PTPRS: variants seen among roughly 807,000 people sequenced by gnomAD.
PTPRS encodes receptor-type tyrosine-protein phosphatase S.
Under a neutral mutation model 215.3 loss-of-function variants are expected in PTPRS, and 63 were observed. That is an observed-to-expected ratio of 0.29 (90% CI 0.24 to 0.36). The LOEUF is 0.36. PTPRS is among the 10% of genes least tolerant of loss of function. The pLI, the probability that PTPRS is intolerant of heterozygous loss-of-function variation, is 1.00. For missense variants in PTPRS, 2,258 were observed against 2,825.8 expected (o/e 0.80, Z 4.56); for synonymous variants, 1,404 against 1,191.4 (o/e 1.18, Z -3.68).
intron 1 of PTPRS, among the ~76,000 whole-genome samples, chr19:5,318,172 A>G (rs76859951): frequency 7.0e-6 from 1 of 142,162 alleles, no homozygotes; most frequent in African/African-American, 2.6e-5. Flanking sequence ...CTCCGTCTCC[A>G]AAAAAAAAAA....
intron 1 of PTPRS, among the ~76,000 whole-genome samples, chr19:5,319,657 C>T (rs1012153589): frequency 1.3e-5 from 2 of 151,942 alleles, no homozygotes; most frequent in Non-Finnish European, 2.9e-5. Flanking sequence ...CCCCATCACT[C>T]ACTGGGCTCC....
Position 5,216,726 on chromosome 19 carries a change from A to C in PTPRS, c.4090T>G (p.Phe1364Val). The C allele has an allele frequency of 1.3e-6, 2 of 1,572,290 alleles. No individual in the cohort carries two copies. Among genetic ancestry groups the C allele is most frequent in the Non-Finnish European group, 1.7e-6 (2 of 1,156,816 alleles). Residue 1364 changes from phenylalanine (F) to valine (V), a missense_variant, in exon 26 of 38, where the codon TTT becomes GTT. By Grantham distance (50) the Phe-to-Val change is conservative. Around this residue, in one of 6 missense-constraint regions of PTPRS, gnomAD observed 927 missense variants for 1,125.9 expected, o/e 0.82. Coordinates refer to ENST00000262963, the MANE Select transcript of PTPRS (RefSeq NM_002850.4). ...AACAGACACAAGAACTAACTTTCAA[A>C]GTGAAACCCCGGCTCCCTGAGGGGG... ...RSPLREPGFH[F>V]ESMLSHPPIP... is the part of the protein sequence containing the mutation.
At position 5,214,604 on chromosome 19, in the gene PTPRS, G is replaced by A. The variant is rs754694289; in HGVS notation, c.4451C>T (p.Ser1484Leu). ...DFWRMVWEQR[S>L]ATIVMMTRLE... is the part of the protein sequence containing the mutation. ...CCGCGTCATCATGACGATGGTCGCC[G>A]ACCGCTGCTCCCACACCATACGCCA... The change falls in exon 29 of 38, where the codon TCG (serine) becomes TTG (leucine). Residue 1484 changes from serine to leucine, a missense_variant. Ser to Leu is a moderately radical substitution (Grantham distance 145, BLOSUM62 -2). Transcript: ENST00000262963. 16 of 1,612,332 alleles carry A rather than the reference G, an allele frequency of 9.9e-6. No homozygotes were observed. The Admixed American group carries it at 1.2e-4, about 12-fold the overall frequency.
intron 5 of PTPRS, among the ~76,000 whole-genome samples, chr19:5,263,403 C>T (rs1024808451): frequency 4.6e-5 from 7 of 151,910 alleles, no homozygotes; most frequent in South Asian, 2.1e-4. Context: ...GAGCAGAAAG[C>T]GGAGAACAGG....
intron 2 of PTPRS, among the ~76,000 whole-genome samples, chr19:5,284,119 G>C (rs1287779768): frequency 1.3e-5 from 2 of 152,068 alleles, no homozygotes; most frequent in South Asian, 2.1e-4. Flanking sequence ...CCAGCACTTT[G>C]GGAGGCCGAG....
intron 25 of PTPRS, 21 bp downstream of exon 25, chr19:5,218,399 G>A: frequency 1.2e-6 from 2 of 1,602,128 alleles, no homozygotes. Flanking sequence ...GGCATCCCTG[G>A]TACCAGGGAT....
intron 9 of PTPRS, among the ~76,000 whole-genome samples, chr19:5,253,971 A>C (rs754812012): frequency 1.3e-5 from 2 of 152,168 alleles, no homozygotes; most frequent in Admixed American, 6.5e-5. Context: ...TGGTCAAATG[A>C]CTAGTTCAAG....
rs2042172567 is a variant in PTPRS at position 5,223,281 on chromosome 19, G to A, written c.2511C>T (p.Thr837=). ...VTKGAVLGRP[T]LSVQQTPEGS... ...CCTCGGGGGTCTGCTGCACCGACAG[G>A]GTTGGGCGGCCCAGCACTGCGGGGA... Residue 837 remains threonine (T), a synonymous_variant, in exon 18 of 38, where the codon ACC becomes ACT. Transcript: ENST00000262963. 2 of 1,467,850 alleles carry A rather than the reference G, an allele frequency of 1.4e-6. No individual in the cohort carries two copies. Among genetic ancestry groups the A allele is most frequent in the Non-Finnish European group, 1.8e-6 (2 of 1,115,938 alleles). 90.9% of individuals were successfully genotyped at this position (1,467,850 alleles called of 1,614,324 possible).
At position 5,229,614 on chromosome 19, in the gene PTPRS, G is replaced by C. The variant is rs1599534742; in HGVS notation, c.2226C>G (p.Arg742=). Residue 742 remains arginine (R), a synonymous_variant, in exon 15 of 38, where the codon CGC becomes CGG. Transcript: ENST00000262963. ...CGTGCTGCCGGCCGGGCGCGGGCGAGCGCCACAGCACGCGGATGGCCGTGG... is the reference window on the plus strand; with the variant it reads ...CGTGCTGCCGGCCGGGCGCGGGCGACCGCCACAGCACGCGGATGGCCGTGG... ...LNATAIRVLW[R]SPAPGRQHGQ... 7.1e-7 allele frequency: 1 copy of C among 1,415,348 alleles called. No homozygotes were observed. Among genetic ancestry groups the C allele is most frequent in the Non-Finnish European group, 9.2e-7 (1 of 1,085,704 alleles). The allele number at this position is 1,415,348 out of a possible 1,614,324, so 87.7% of individuals were successfully genotyped here.
chr19:5,335,291 G>A (rs1419382461), intron 1 of PTPRS, among the ~76,000 whole-genome samples: 2 of 152,200 alleles, frequency 1.3e-5, no homozygotes, highest in African/African-American at 4.8e-5. Context: ...AGCATCTCAT[G>A]TCAAGGCTCG....
At chr19:5,208,116 G>T in intron 36 of PTPRS, 59 bp from the exon 37 acceptor site, 1 of 1,586,758 alleles carries the variant, frequency 6.3e-7, no homozygotes, top group South Asian at 1.1e-5. Context: ...GCCCTGATCT[G>T]ACCACCCGAT....
Position 5,240,384 on chromosome 19 carries a change from A to AGG in PTPRS, c.1571-54_1571-53dup, listed in dbSNP as rs1022188903. The AGG allele has an allele frequency of 1.7e-5, 25 of 1,501,116 alleles. 2 individuals are homozygous for AGG. In the Admixed American group the frequency reaches 5.2e-4, roughly 31 times the overall value. 93.0% of individuals were successfully genotyped at this position (1,501,116 alleles called of 1,614,324 possible). On this transcript the variant is annotated intron_variant, in intron 11 of 37. Coordinates refer to ENST00000262963, the MANE Select transcript of PTPRS (RefSeq NM_002850.4). ...GAGTCGGGGAGCGTCCACCCCACAAAGGGGGCCCCACCTGCTGAGTGTCCC... is the reference window on the plus strand; with the variant it reads ...GAGTCGGGGAGCGTCCACCCCACAAAGGGGGGGCCCCACCTGCTGAGTGTCCC...
At chr19:5,236,567 G>C (rs1053635692) in intron 13 of PTPRS, among the ~76,000 whole-genome samples, 6 of 152,214 alleles carry the variant, frequency 3.9e-5, no homozygotes, top group African/African-American at 1.4e-4. Flanking sequence ...AGCTTGCTTG[G>C]TGGCTGAGCA....
intron 2 of PTPRS, among the ~76,000 whole-genome samples, chr19:5,285,515 C>T (rs1217490658): frequency 6.6e-6 from 1 of 152,232 alleles, no homozygotes; most frequent in Non-Finnish European, 1.5e-5. Flanking sequence ...CCCACAAAAC[C>T]CCAGTCCCAA....
chr19:5,222,824 C>T lies in PTPRS; in HGVS notation c.2968G>A (p.Gly990Ser). The T allele has an allele frequency of 6.3e-7, 1 of 1,595,270 alleles. No individual in the cohort carries two copies. The highest frequency in any genetic ancestry group is 2.2e-5 in the East Asian group (1 of 44,592). ...ETELPAAAEPGAENALTLQGL... is the reference protein window; with the variant it reads ...ETELPAAAEPSAENALTLQGL... ...TGCAGCGTGAGCGCGTTCTCCGCGC[C>T]CGGCTCAGCCGCTGCCGGCAGCTCA... The change falls in exon 18 of 38, where the codon GGC (glycine) becomes AGC (serine). Residue 990 changes from glycine (G) to serine (S), a missense_variant. By Grantham distance (56) the Gly-to-Ser change is moderately conservative (BLOSUM62 0). Coordinates refer to ENST00000262963, the MANE Select transcript of PTPRS (RefSeq NM_002850.4).
rs759644392 is a variant in PTPRS, at chr19:5,219,482, G to A, written c.3766-15C>T. 1.8e-5 allele frequency: 28 copies of A among 1,552,542 alleles called. No individual in the cohort carries two copies. Among genetic ancestry groups the A allele is most frequent in the Admixed American group, 3.8e-5 (2 of 52,198 alleles). ...GCTGCAAAGGTCTGCAGGGAAAGGA[G>A]GGGGGTCTCCATCAGTGTCCACCCT... On this transcript the variant is annotated splice_polypyrimidine_tract_variant and intron_variant, in intron 22 of 37. Coordinates refer to ENST00000262963, the MANE Select transcript of PTPRS (RefSeq NM_002850.4).
chr19:5,220,093 A>G lies in PTPRS; in HGVS notation c.3611T>C (p.Val1204Ala), dbSNP rs1377303300. The G allele has an allele frequency of 1.2e-6, 2 of 1,613,524 alleles. No individual in the cohort carries two copies. The highest frequency in any genetic ancestry group is 1.3e-5 in the African/African-American group (1 of 74,904). ...GCGAGCTGCAATATAGGGCCGGGGC[A>G]CCTCCAGCTGACGCGAGTGCCGCAG... Reference protein sequence around the residue: ...RSLRHSRQLEVPRPYIAARFS... With the variant: ...RSLRHSRQLEAPRPYIAARFS... Residue 1204 changes from valine to alanine, a missense_variant, in exon 22 of 38, where the codon GTG becomes GCG. Around this residue, in one of 6 missense-constraint regions of PTPRS, gnomAD observed 927 missense variants for 1,125.9 expected, o/e 0.82. Transcript: ENST00000262963.
intron 9 of PTPRS, among the ~76,000 whole-genome samples, chr19:5,247,745 G>A (rs1433457268): frequency 2.0e-5 from 3 of 151,884 alleles, no homozygotes; most frequent in African/African-American, 7.3e-5. Context: ...GATAAAGGGA[G>A]GTGGCCCCAA....
At chr19:5,318,808 G>A (rs150199510) in intron 1 of PTPRS, among the ~76,000 whole-genome samples, 43 of 152,174 alleles carry the variant, frequency 2.8e-4, no homozygotes, top group South Asian at 1.0e-3. Context: ...ATGAGCCATT[G>A]GGCCCAGCTG....
Sources: allele counts gnomAD v4.1 joint callset (sites outside exome capture counted in the v4.1 genomes callset), GRCh38; gene constraint gnomAD v4.1.1; regional missense constraint gnomAD v4.1.1; transcripts MANE v1.5; gene names NCBI Gene and HGNC (gene_info 2026-07-23, HGNC 2026-07-21).